The following POPDC1 variants were observed in gnomAD, a reference collection of about 807,000 sequenced individuals.
POPDC1 encodes popeye domain-containing protein 1.
chr6:105,129,976 T>C, the POPDC1 span, among the ~76,000 whole-genome samples: 4 of 152,306 alleles, frequency 2.6e-5, no homozygotes, highest in Middle Eastern at 3.4e-3. Flanking sequence ...AAATATCATG[T>C]TGTTTCATTT....
chr6:105,112,305 T>C, the POPDC1 span, among the ~76,000 whole-genome samples: 1 of 152,188 alleles, frequency 6.6e-6, no homozygotes, highest in Non-Finnish European at 1.5e-5. Flanking sequence ...AGTGGCTGAA[T>C]GCGATGTGCA....
At chr6:105,102,659 G>A in the POPDC1 span, among the ~76,000 whole-genome samples, 2 of 152,136 alleles carry the variant, frequency 1.3e-5, no homozygotes, top group Admixed American at 6.5e-5. Context: ...ATATTCTTAG[G>A]ATCTGCTCCA....
chr6:105,125,300 T>G, the POPDC1 span: 10 of 1,414,136 alleles, frequency 7.1e-6, no homozygotes, highest in South Asian at 1.3e-4. Context: ...TCTCCATTCA[T>G]TGGCAACATT....
the POPDC1 span, among the ~76,000 whole-genome samples, chr6:105,131,897 G>A: frequency 6.6e-6 from 1 of 150,938 alleles, no homozygotes; most frequent in Non-Finnish European, 1.5e-5. Flanking sequence ...TTACTCACAG[G>A]TCACACAGCC....
the POPDC1 span, among the ~76,000 whole-genome samples, chr6:105,129,746 A>T: frequency 6.6e-6 from 1 of 152,200 alleles, no homozygotes; most frequent in South Asian, 2.1e-4. Flanking sequence ...GATAGTGGGG[A>T]TAAGTTGGAC....
the POPDC1 span, among the ~76,000 whole-genome samples, chr6:105,101,772 T>C: frequency 2.6e-4 from 39 of 152,108 alleles, no homozygotes; most frequent in African/African-American, 9.4e-4. Context: ...ACAAGCCAAG[T>C]AGAGGAAACG....
At chr6:105,127,647 G>T in the POPDC1 span, among the ~76,000 whole-genome samples, 1 of 151,940 alleles carries the variant, frequency 6.6e-6, no homozygotes, top group African/African-American at 2.4e-5. Context: ...TGTTGCACAG[G>T]CTGGTCTCGA....
the POPDC1 span, among the ~76,000 whole-genome samples, chr6:105,130,697 T>C: frequency 6.6e-6 from 1 of 152,178 alleles, no homozygotes; most frequent in African/African-American, 2.4e-5. Context: ...ACCAATAAAG[T>C]ACAGCTTGTT....
At chr6:105,128,771 T>G in the POPDC1 span, among the ~76,000 whole-genome samples, 16 of 152,192 alleles carry the variant, frequency 1.1e-4, 1 homozygote, top group African/African-American at 3.6e-4. Context: ...ACTGAATGTT[T>G]GTTTGTGCTT....
At chr6:105,123,687 C>T in the POPDC1 span, among the ~76,000 whole-genome samples, 2 of 152,104 alleles carry the variant, frequency 1.3e-5, no homozygotes, top group African/African-American at 2.4e-5. Flanking sequence ...CCACCGTGCC[C>T]GGCTGGAGCA....
chr6:105,130,925 A>G, the POPDC1 span, among the ~76,000 whole-genome samples: 1 of 152,184 alleles, frequency 6.6e-6, no homozygotes, highest in Non-Finnish European at 1.5e-5. Flanking sequence ...ATTACTGGTG[A>G]GCCTGCATAT....
At chr6:105,106,455 A>G in the POPDC1 span, among the ~76,000 whole-genome samples, 2 of 152,232 alleles carry the variant, frequency 1.3e-5, no homozygotes, top group East Asian at 3.9e-4. Flanking sequence ...CCCTGAGCAC[A>G]TGCGGAAGAC....
chr6:105,106,598 G>A, the POPDC1 span, among the ~76,000 whole-genome samples: 1 of 152,194 alleles, frequency 6.6e-6, no homozygotes, highest in Admixed American at 6.5e-5. Flanking sequence ...GGGCAGAACT[G>A]TTCAGATGGC....
the POPDC1 span, among the ~76,000 whole-genome samples, chr6:105,109,708 G>A: frequency 2.3e-5 from 3 of 129,710 alleles, no homozygotes; most frequent in African/African-American, 8.3e-5. Flanking sequence ...AAGATGCGGC[G>A]AGCTGTGATC....
chr6:105,110,198 G>C, the POPDC1 span, among the ~76,000 whole-genome samples: 1 of 152,130 alleles, frequency 6.6e-6, no homozygotes, highest in East Asian at 1.9e-4. Flanking sequence ...GATTAAATGA[G>C]AACCTGGCTG....
chr6:105,100,045 T>C, the POPDC1 span: 9 of 152,208 alleles, frequency 5.9e-5, no homozygotes, highest in Admixed American at 5.2e-4. Context: ...GAGCAGTTTA[T>C]AAATGGCATA....
At chr6:105,124,721 G>T in the POPDC1 span, 1 of 1,138,532 alleles carries the variant, frequency 8.8e-7, no homozygotes, top group Non-Finnish European at 1.3e-6. Flanking sequence ...CCTTAAAACT[G>T]CTATCATCTT....
the POPDC1 span, among the ~76,000 whole-genome samples, chr6:105,111,523 C>T: frequency 1.3e-5 from 2 of 152,158 alleles, no homozygotes; most frequent in African/African-American, 4.8e-5. Context: ...CTTCCTATCT[C>T]GCTATATTCC....
chr6:105,126,277 A>C, the POPDC1 span, among the ~76,000 whole-genome samples: 56 of 151,298 alleles, frequency 3.7e-4, no homozygotes, highest in African/African-American at 1.3e-3. Flanking sequence ...AAAGAAAAGA[A>C]AGAAAAAGAA....
Sources: allele counts gnomAD v4.1 joint callset (sites outside exome capture counted in the v4.1 genomes callset), GRCh38; gene constraint gnomAD v4.1.1; transcripts MANE v1.5; gene names NCBI Gene and HGNC (gene_info 2026-07-23, HGNC 2026-07-21).